DDB1: variants seen among roughly 807,000 people sequenced by gnomAD.
DDB1 encodes DNA damage-binding protein 1.
In DDB1, 18 loss-of-function variants were observed where a neutral mutation model predicts 133.1. That is an observed-to-expected ratio of 0.14 (90% CI 0.09 to 0.20). DDB1 has a LOEUF of 0.20. DDB1 is among the 10% of genes least tolerant of loss of function. DDB1 has a pLI of 1.00. For synonymous variants in DDB1, 580 were observed against 550.5 expected (o/e 1.05, Z -0.75); for missense variants, 828 against 1,459.2 (o/e 0.57, Z 7.05).
At chr11:61,310,565 G>T in intron 18 of DDB1, 147 bp from the exon 19 acceptor site, 1 of 851,796 alleles carries the variant, frequency 1.2e-6, no homozygotes, top group Non-Finnish European at 1.7e-6. Context: ...CCTGAGGAGA[G>T]TGTTTCAGAG....
chr11:61,331,836 T>A (rs1856381065), intron 1 of DDB1, 145 bp from the exon 2 acceptor site: 1 of 1,145,486 alleles, frequency 8.7e-7, no homozygotes, highest in Non-Finnish European at 1.2e-6. Context: ...ACTCCCCTTC[T>A]TGCCAAATCC....
rs372823184 is a variant in DDB1 at position 61,307,348 on chromosome 11, T to C, written c.2661+1635A>G. Among the ~76,000 whole-genome samples the C allele has an allele frequency of 5.9e-5, 9 of 152,396 alleles. No individual in the cohort carries two copies. In the East Asian group the frequency reaches 1.7e-3, roughly 29 times the overall value. On this transcript the variant is annotated intron_variant, in intron 21 of 26. Transcript: ENST00000301764. ...AGCCCCACCACTCAACCAAGAGCTC[T>C]GATCAAGTTTACCACTGACTTCCAT... is the stretch of plus-strand genomic sequence containing the variant.
At chr11:61,304,498 C>T (rs1830375146) in intron 21 of DDB1, among the ~76,000 whole-genome samples, 1 of 151,920 alleles carries the variant, frequency 6.6e-6, no homozygotes. Context: ...AAAGAAAAGT[C>T]CAACAGAAAC....
At chr11:61,326,185 A>C (rs1856266973) in intron 5 of DDB1, 1 of 235,886 alleles carries the variant, frequency 4.2e-6, no homozygotes, top group Non-Finnish European at 8.3e-6. Context: ...ACTTAGGACA[A>C]GGAGTGAAGA....
rs753057563 is a variant in DDB1 at position 61,311,901 on chromosome 11, G to A, written c.2166-6C>T. On this transcript the variant is annotated splice_region_variant and splice_polypyrimidine_tract_variant and intron_variant, in intron 17 of 26. Coordinates refer to ENST00000301764, the MANE Select transcript of DDB1 (RefSeq NM_001923.5). ...CTTCCTGGTAGCAGATCTTCCTGCA[G>A]AACAAGTACAGAACAACAGTGTCAC... The A allele has an allele frequency of 1.2e-6, 2 of 1,614,160 alleles. No individual in the cohort carries two copies. The highest frequency in any genetic ancestry group is 2.2e-5 in the South Asian group (2 of 91,084).
rs768383893 is a variant in DDB1, at chr11:61,314,492, T to TA, written c.1411-7dup. ...CTCACCGATGCTGAAGTGATCTAGA[T>TA]AAACAGCAGATGAACAAATGTCTCC... On this transcript the variant is annotated splice_region_variant and splice_polypyrimidine_tract_variant and intron_variant, in intron 12 of 26. Transcript: ENST00000301764. 2.5e-6 allele frequency: 4 copies of TA among 1,604,462 alleles called. No individual in the cohort carries two copies. In the Admixed American group the frequency reaches 6.9e-5, roughly 28 times the overall value.
chr11:61,320,739 G>GT (rs1379629071), intron 10 of DDB1, among the ~76,000 whole-genome samples: 3 of 152,026 alleles, frequency 2.0e-5, no homozygotes, highest in Admixed American at 1.3e-4. Flanking sequence ...CTTTAAGGTG[G>GT]TTTTGTTTTA....
At chr11:61,318,289 T>A (rs1217656670) in intron 10 of DDB1, among the ~76,000 whole-genome samples, 2 of 152,246 alleles carry the variant, frequency 1.3e-5, no homozygotes, top group Non-Finnish European at 2.9e-5. Flanking sequence ...AATAAGCTTG[T>A]ATTTTTATGT....
intron 21 of DDB1, among the ~76,000 whole-genome samples, chr11:61,305,444 T>C (rs79590486): frequency 2.0e-5 from 3 of 152,126 alleles, no homozygotes; most frequent in Non-Finnish European, 4.4e-5. Context: ...GAGTCGGAGG[T>C]TGCAGTGAGC....
In DDB1 at chr11:61,324,224, C is replaced by T. The variant is rs1856233335; in HGVS notation, c.763-87G>A. On this transcript the variant is annotated intron_variant, in intron 6 of 26. Transcript: ENST00000301764. ...CTACTGGACCACTCCCTTTACCAAA[C>T]CCAGCCATTTTACCAGCAGACAAAT... 2.6e-5 allele frequency: 39 copies of T among 1,472,484 alleles called. No individual in the cohort carries two copies. The South Asian group carries it at 3.7e-4, about 14-fold the overall frequency. The allele number at this position is 1,472,484 out of a possible 1,614,324, so 91.2% of individuals were successfully genotyped here. A position where few individuals can be genotyped will look rare whatever the true frequency, so the allele number is the denominator to read the frequency against.
rs1407813616 is a variant in DDB1, at chr11:61,300,830, C to T, written c.3318G>A (p.Gln1106=). Reference sequence around the variant, plus strand: ...TCACCTGTAGGTTTGCCACCACCTCCTGCATCTTGGGGCGGCTAATATCCA... The same window carrying T: ...TCACCTGTAGGTTTGCCACCACCTCTTGCATCTTGGGGCGGCTAATATCCA... ...SFLDISRPKM[Q]EVVANLQYDD... Residue 1106 remains glutamine (Q), a synonymous_variant, in exon 26 of 27, where the codon CAG becomes CAA. Coordinates refer to ENST00000301764, the MANE Select transcript of DDB1 (RefSeq NM_001923.5). The T allele has an allele frequency of 6.2e-7, 1 of 1,614,216 alleles. No homozygotes were observed. The highest frequency in any genetic ancestry group is 1.7e-5 in the Admixed American group (1 of 60,028).
At chr11:61,322,850 G>GAGCT (rs1358926914) in intron 8 of DDB1, 161 bp downstream of exon 8, 2 of 643,458 alleles carry the variant, frequency 3.1e-6, no homozygotes, top group East Asian at 5.5e-5. Flanking sequence ...CAAAGGCAAA[G>GAGCT]AGCTAGTCAG....
At chr11:61,313,065 G>A (rs1348913879) in intron 16 of DDB1, among the ~76,000 whole-genome samples, 1 of 152,076 alleles carries the variant, frequency 6.6e-6, no homozygotes, top group Non-Finnish European at 1.5e-5. Context: ...CTCCTGCCTC[G>A]GCCTCCCAAA....
chr11:61,309,772 A>G, intron 20 of DDB1, 24 bp downstream of exon 20: 2 of 1,603,382 alleles, frequency 1.2e-6, no homozygotes, highest in Non-Finnish European at 1.7e-6. Context: ...CATCCCTCAG[A>G]AACTGGAGAC....
chr11:61,313,043 C>T (rs1402135264), intron 16 of DDB1, among the ~76,000 whole-genome samples: 3 of 152,206 alleles, frequency 2.0e-5, no homozygotes, highest in African/African-American at 7.2e-5. Flanking sequence ...AAACTCCTGA[C>T]TTCAAATGAT....
intron 24 of DDB1, 106 bp downstream of exon 24, chr11:61,302,475 CT>C (rs1050665322): frequency 2.0e-5 from 31 of 1,576,234 alleles, no homozygotes; most frequent in Non-Finnish European, 2.5e-5. Flanking sequence ...CTGCAGCCTC[CT>C]CTAGTAAACA....
chr11:61,316,970 T>TATATATATAC (rs1856090814), intron 10 of DDB1, among the ~76,000 whole-genome samples: 1 of 54,348 alleles, frequency 1.8e-5, no homozygotes, highest in African/African-American at 6.9e-5. Context: ...TATATATATA[T>TATATATATAC]ATATATATAT....
chr11:61,326,648 A>C, intron 5 of DDB1, 131 bp downstream of exon 5: 1 of 767,736 alleles, frequency 1.3e-6, no homozygotes, highest in East Asian at 2.4e-5. Flanking sequence ...AACATAAAGG[A>C]GTGGTAAACA....
chr11:61,314,431 T>C lies in DDB1; in HGVS notation c.1466A>G (p.Glu489Gly). The C allele has an allele frequency of 6.2e-7, 1 of 1,614,196 alleles. No individual in the cohort carries two copies. Among genetic ancestry groups the C allele is most frequent in the East Asian group, 2.2e-5 (1 of 44,890 alleles). ...VSQEPKALVS[E>G]WKEPQAKNIS... The stretch of plus-strand genomic sequence containing the variant: ...GTTCTTGGCCTGAGGCTCCTTCCAT[T>C]CACTGACCAGAGCTTTGGGTTCTTG... The change falls in exon 13 of 27, where the codon GAA (glutamate) becomes GGA (glycine). Residue 489 changes from glutamate (E) to glycine (G), a missense_variant. Glu to Gly is a moderately conservative substitution (Grantham distance 98). Around this residue, in one of 7 missense-constraint regions of DDB1, gnomAD observed 396 missense variants for 554.1 expected, o/e 0.71. Coordinates refer to ENST00000301764, the MANE Select transcript of DDB1 (RefSeq NM_001923.5).
Sources: gnomAD v4.1 joint callset for allele counts (sites outside exome capture counted in the v4.1 genomes callset) on GRCh38, gnomAD v4.1.1 for gene constraint, gnomAD v4.1.1 regional missense constraint, MANE v1.5 for transcripts, NCBI Gene and HGNC (gene_info 2026-07-23, HGNC 2026-07-21) for gene names.